PIK3R6: variants seen among roughly 807,000 people sequenced by gnomAD.
The protein encoded by PIK3R6 is phosphoinositide-3-kinase regulatory subunit 6.
In PIK3R6, 91 loss-of-function variants were observed where a neutral mutation model predicts 84.9. The ratio of observed to expected loss-of-function variants is 1.07; its 90% confidence interval spans 0.90 to 1.28. The LOEUF (loss-of-function observed/expected upper bound fraction) is 1.28. Ranked by LOEUF, PIK3R6 falls within the 50% of genes most tolerant of loss-of-function variation. The pLI, the probability that PIK3R6 is intolerant of heterozygous loss-of-function variation, is 0.00. For missense variants in PIK3R6, 996 were observed against 985.1 expected (o/e 1.01, Z -0.15); for synonymous variants, 416 against 411.4 (o/e 1.01, Z -0.13).
chr17:8,835,465 A>C lies in PIK3R6; in HGVS notation c.462-9T>G. The C allele has an allele frequency of 2.6e-6, 4 of 1,544,544 alleles. No individual in the cohort carries two copies. Among genetic ancestry groups the C allele is most frequent in the Non-Finnish European group, 3.5e-6 (4 of 1,133,638 alleles). On this transcript the variant is annotated splice_polypyrimidine_tract_variant and intron_variant, in intron 7 of 19. Coordinates refer to ENST00000619866, the MANE Select transcript of PIK3R6 (RefSeq NM_001010855.4). ...CCACGAAGAGGAACACTCTGAGGGC[A>C]GAAGCAGAGGGGAGAGGTGGGATTG...
intron 18 of PIK3R6, among the ~76,000 whole-genome samples, chr17:8,812,454 C>T (rs1399619843): frequency 2.6e-5 from 4 of 152,184 alleles, no homozygotes; most frequent in Admixed American, 1.3e-4. Context: ...AAATGTAATT[C>T]TTCTCATTTG....
chr17:8,823,537 A>G, intron 13 of PIK3R6, 40 bp from the exon 14 acceptor site: 1 of 1,401,340 alleles, frequency 7.1e-7, no homozygotes, highest in East Asian at 2.3e-5. Context: ...AACTCCCCCA[A>G]GGCCACTGTG....
intron 1 of PIK3R6, among the ~76,000 whole-genome samples, 159 bp downstream of exon 1, chr17:8,867,370 T>G (rs1311166944): frequency 6.6e-6 from 1 of 152,184 alleles, no homozygotes; most frequent in Non-Finnish European, 1.5e-5. Context: ...GTCACCCTTC[T>G]CAGAAAGACG....
At chr17:8,823,259 A>G in intron 14 of PIK3R6, 128 bp downstream of exon 14, 2 of 804,894 alleles carry the variant, frequency 2.5e-6, no homozygotes, top group Non-Finnish European at 4.0e-6. Context: ...TGAAGAAGGT[A>G]ACGTTAATAA....
At chr17:8,818,350 C>T (rs1199605778) in intron 18 of PIK3R6, among the ~76,000 whole-genome samples, 1 of 152,152 alleles carries the variant, frequency 6.6e-6, no homozygotes, top group African/African-American at 2.4e-5. Context: ...AGTCTTATGT[C>T]TGTATCAGTA....
chr17:8,811,035 C>T (rs938695984), intron 18 of PIK3R6, among the ~76,000 whole-genome samples: 1 of 149,014 alleles, frequency 6.7e-6, no homozygotes, highest in African/African-American at 2.5e-5. Context: ...GGCCTTGCCC[C>T]TGCAGCAAAC....
At position 8,839,500 on chromosome 17, in the gene PIK3R6, C is replaced by T. The variant is rs757703391; in HGVS notation, c.97+114G>A. The stretch of plus-strand genomic sequence containing the variant: ...CCAGCAGGAAAGGGGTTTGGTGAGA[C>T]GACCCTTGCCCCCTGAGCTCCAGGC... On this transcript the variant is annotated intron_variant, in intron 3 of 19. Transcript: ENST00000619866. The surrounding 1 kb of genome is among the most constrained non-coding windows in gnomAD (Gnocchi z 4.2). 4 of 771,326 alleles carry T rather than the reference C, an allele frequency of 5.2e-6. No individual in the cohort carries two copies. The highest frequency in any genetic ancestry group is 6.1e-6 in the Non-Finnish European group (3 of 492,494). 47.8% of individuals were successfully genotyped at this position (771,326 alleles called of 1,614,324 possible).
intron 2 of PIK3R6, among the ~76,000 whole-genome samples, chr17:8,847,779 G>A (rs962768903): frequency 5.9e-5 from 9 of 151,626 alleles, no homozygotes; most frequent in Admixed American, 4.0e-4. Flanking sequence ...CTCCAGCCTG[G>A]GTGGCAGAGA....
At chr17:8,857,208 C>A (rs923273133) in intron 1 of PIK3R6, among the ~76,000 whole-genome samples, 1 of 152,178 alleles carries the variant, frequency 6.6e-6, no homozygotes, top group Non-Finnish European at 1.5e-5. Context: ...TCGGCAAATA[C>A]TGGGATGGGG....
intron 9 of PIK3R6, among the ~76,000 whole-genome samples, chr17:8,831,372 G>C (rs989474939): frequency 6.7e-6 from 1 of 148,476 alleles, no homozygotes; most frequent in Non-Finnish European, 1.5e-5. Context: ...GGCAAGTCTG[G>C]GCAGGAGACA....
In PIK3R6 at chr17:8,824,456, G is replaced by A. The variant is rs576793826; in HGVS notation, c.1516-959C>T. ...AGTTGATCTCATCCAACTCATATCC[G>A]ATCCTCTAAGACCTCTTCTATCTCT... On this transcript the variant is annotated intron_variant, in intron 13 of 19. Coordinates refer to ENST00000619866, the MANE Select transcript of PIK3R6 (RefSeq NM_001010855.4). Among the ~76,000 whole-genome samples, 5 of 152,258 alleles carry A rather than the reference G, an allele frequency of 3.3e-5. No homozygotes were observed. The South Asian group carries it at 8.3e-4, about 25-fold the overall frequency.
At chr17:8,850,907 A>G (rs942574223) in intron 1 of PIK3R6, among the ~76,000 whole-genome samples, 1 of 152,228 alleles carries the variant, frequency 6.6e-6, no homozygotes, top group Non-Finnish European at 1.5e-5. Flanking sequence ...AACTGCTTAT[A>G]TTTGTAACCA....
At chr17:8,848,291 T>C (rs2088858978) in intron 2 of PIK3R6, among the ~76,000 whole-genome samples, 1 of 152,324 alleles carries the variant, frequency 6.6e-6, no homozygotes, top group East Asian at 1.9e-4. Context: ...TTGGTGCACC[T>C]CTTTTCCTAA....
chr17:8,855,194 GAAACAAAACA>G (rs71361831), intron 1 of PIK3R6, among the ~76,000 whole-genome samples: 65 of 144,566 alleles, frequency 4.5e-4, no homozygotes, highest in African/African-American at 7.5e-4. Context: ...CTCCATCTCA[GAAACAAAACA>G]AAACAAAACA....
At chr17:8,814,440 G>A (rs2087461884) in intron 18 of PIK3R6, among the ~76,000 whole-genome samples, 1 of 151,764 alleles carries the variant, frequency 6.6e-6, no homozygotes, top group African/African-American at 2.4e-5. Context: ...GGCTGGTCTC[G>A]ATCTCCTGAC....
chr17:8,815,631 G>T (rs966311643), intron 18 of PIK3R6, among the ~76,000 whole-genome samples: 1 of 152,178 alleles, frequency 6.6e-6, no homozygotes, highest in African/African-American at 2.4e-5. Flanking sequence ...ATAAACTCAG[G>T]AATCAAAGGG....
At chr17:8,804,642 A>C (rs2087146279) in intron 18 of PIK3R6, among the ~76,000 whole-genome samples, 1 of 152,166 alleles carries the variant, frequency 6.6e-6, no homozygotes, top group Non-Finnish European at 1.5e-5. Flanking sequence ...GCTCAGACCA[A>C]GCCGAAGGAA....
In PIK3R6 at chr17:8,803,985, T is replaced by C; in HGVS notation, c.2108+56A>G. On this transcript the variant is annotated intron_variant, in intron 19 of 19. Coordinates refer to ENST00000619866, the MANE Select transcript of PIK3R6 (RefSeq NM_001010855.4). This position sits in a 1 kb window ranked among gnomAD's most constrained non-coding sequence, Gnocchi z 5.0. Reference sequence around the variant, plus strand: ...GCAGGAGATGGCAGGAGCTGGCTCCTGCTTCAGTTTGTCCCACGGGCCCTG... The same window carrying C: ...GCAGGAGATGGCAGGAGCTGGCTCCCGCTTCAGTTTGTCCCACGGGCCCTG... 6.8e-7 allele frequency: 1 copy of C among 1,470,772 alleles called. No homozygotes were observed. Among genetic ancestry groups the C allele is most frequent in the East Asian group, 2.3e-5 (1 of 43,724 alleles). 91.1% of individuals were successfully genotyped at this position (1,470,772 alleles called of 1,614,324 possible).
chr17:8,830,692 C>T (rs1007822872), intron 9 of PIK3R6, among the ~76,000 whole-genome samples: 2 of 152,088 alleles, frequency 1.3e-5, no homozygotes, highest in Non-Finnish European at 2.9e-5. Context: ...AATAACTGGC[C>T]CAAGGTCACA....
Sources: gnomAD v4.1 joint callset for allele counts (sites outside exome capture counted in the v4.1 genomes callset) on GRCh38, gnomAD v4.1.1 for gene constraint, Gnocchi (gnomAD v3.1) non-coding constraint, MANE v1.5 for transcripts, NCBI Gene and HGNC (gene_info 2026-07-23, HGNC 2026-07-21) for gene names.